APOB: variants seen among roughly 807,000 people sequenced by gnomAD.
The protein encoded by APOB is apolipoprotein B-100.
In APOB, 153 loss-of-function variants were observed where a neutral mutation model predicts 314.1. That is an observed-to-expected ratio of 0.49 (90% CI 0.43 to 0.56). The LOEUF (loss-of-function observed/expected upper bound fraction) is 0.56. Among genes scored for constraint, APOB ranks in the 20% least tolerant of loss-of-function variants. The probability of loss-of-function intolerance (pLI) is 0.00; values close to 1 mark genes in which losing one functional copy is unlikely to be tolerated. For missense variants in APOB, 5,430 were observed against 5,350.7 expected (o/e 1.01, Z -0.46); for synonymous variants, 2,087 against 2,036.4 (o/e 1.02, Z -0.67).
Position 21,011,761 on chromosome 2 carries a change from C to T in APOB, c.5107G>A (p.Ala1703Thr). Residue 1703 changes from alanine to threonine, a missense_variant, in exon 26 of 29, where the codon GCC (alanine) becomes ACC (threonine). Around this residue, in one of 3 missense-constraint regions of APOB, gnomAD observed 2,085 missense variants for 2,079.7 expected, o/e 1.00. Transcript: ENST00000233242. ...HNAKFSLDGK[A>T]ALTELSLGSA... ...CCCAGTGATAGCTCTGTGAGGGCGG[C>T]TTTCCCATCCAGACTGAATTTTGCA... 6.2e-7 allele frequency: 1 copy of T among 1,614,132 alleles called. No homozygotes were observed. Among genetic ancestry groups the T allele is most frequent in the Non-Finnish European group, 8.5e-7 (1 of 1,180,024 alleles).
At position 21,003,178 on chromosome 2, in the gene APOB, A is replaced by G. The variant is rs1199748373; in HGVS notation, c.12244T>C (p.Tyr4082His). Residue 4082 changes from tyrosine (Y) to histidine (H), a missense_variant, in exon 29 of 29, where the codon TAT becomes CAT. This residue lies in a region of APOB where 3,281 missense variants were observed against 3,171.0 expected (regional missense o/e 1.03). Coordinates refer to ENST00000233242, the MANE Select transcript of APOB (RefSeq NM_000384.3). ...CAGTGGTACTTGTTGACATAATCAT[A>G]AAGGACCCCTGTGGCCTTGGGCACG... is the stretch of plus-strand genomic sequence containing the variant. ...DNVPKATGVL[Y>H]DYVNKYHWEH... 1 of 1,613,902 alleles carries G rather than the reference A, an allele frequency of 6.2e-7. No homozygotes were observed. The highest frequency in any genetic ancestry group is 1.3e-5 in the African/African-American group (1 of 74,898).
chr2:21,003,773 A>G (rs576613271), intron 28 of APOB, among the ~76,000 whole-genome samples: 6 of 152,318 alleles, frequency 3.9e-5, no homozygotes, highest in East Asian at 1.9e-4. Context: ...CTCCAAGCCC[A>G]TGACAAACTT....
At position 21,029,688 on chromosome 2, in the gene APOB, A is replaced by G. The variant is rs781234577; in HGVS notation, c.1568T>C (p.Ile523Thr). 3.5e-5 allele frequency: 57 copies of G among 1,614,020 alleles called. No homozygotes were observed. Among genetic ancestry groups the G allele is most frequent in the Non-Finnish European group, 4.6e-5 (54 of 1,180,036 alleles). Residue 523 changes from isoleucine to threonine, a missense_variant, in exon 12 of 29, where the codon ATC (isoleucine) becomes ACC (threonine). Coordinates refer to ENST00000233242, the MANE Select transcript of APOB (RefSeq NM_000384.3). ...CAGAGCCTGGATGGCAGCTTTCTGG[A>G]TCATCAGTGATGGCTTTGTACTTTG... ...CVQSTKPSLM[I>T]QKAAIQALRK...
In APOB at chr2:21,010,154, A is replaced by C; in HGVS notation, c.6714T>G (p.Phe2238Leu). 6.2e-7 allele frequency: 1 copy of C among 1,603,776 alleles called. No homozygotes were observed. Among genetic ancestry groups the C allele is most frequent in the Non-Finnish European group, 8.5e-7 (1 of 1,172,756 alleles). ...ATGCAGTACTACTTCCACTTTTGTT[A>C]AAATCAATATTTTCAATAAACAAAT... is the stretch of plus-strand genomic sequence containing the variant. Reference protein sequence around the residue: ...DLHLFIENIDFNKSGSSTASW... With the variant: ...DLHLFIENIDLNKSGSSTASW... Residue 2238 changes from phenylalanine to leucine, a missense_variant, in exon 26 of 29, where the codon TTT becomes TTG. Around this residue, in one of 3 missense-constraint regions of APOB, gnomAD observed 3,281 missense variants for 3,171.0 expected, o/e 1.03. Coordinates refer to ENST00000233242, the MANE Select transcript of APOB (RefSeq NM_000384.3).
rs745475077 is a variant in APOB, at chr2:21,011,416, G to T, written c.5452C>A (p.Pro1818Thr). The part of the protein sequence containing the change: ...LTNNGKLRLE[P>T]LKLHVAGNLK... ...TTACCAGCCACATGCAGCTTCAGGG[G>T]TTCTAGCCGTAGTTTCCCATTGTTG... is the stretch of plus-strand genomic sequence containing the variant. Residue 1818 changes from proline (P) to threonine (T), a missense_variant, in exon 26 of 29, where the codon CCC (proline) becomes ACC (threonine). Physicochemically the swap from Pro to Thr is conservative, Grantham distance 38. Around this residue, in one of 3 missense-constraint regions of APOB, gnomAD observed 64 missense variants for 99.9 expected, o/e 0.64. Coordinates refer to ENST00000233242, the MANE Select transcript of APOB (RefSeq NM_000384.3). 1 of 1,614,006 alleles carries T rather than the reference G, an allele frequency of 6.2e-7. No homozygotes were observed. The highest frequency in any genetic ancestry group is 8.5e-7 in the Non-Finnish European group (1 of 1,180,012).
chr2:21,021,550 C>T (rs953105620), intron 18 of APOB, among the ~76,000 whole-genome samples: 1 of 152,192 alleles, frequency 6.6e-6, no homozygotes, highest in Non-Finnish European at 1.5e-5. Context: ...ATGGCTTTCG[C>T]AGCTGGGCAT....
Position 21,013,366 on chromosome 2 carries a change from A to T in APOB, c.4010T>A (p.Val1337Asp), listed in dbSNP as rs748483943. Residue 1337 changes from valine (V) to aspartate (D), a missense_variant, in exon 25 of 29, where the codon GTC (valine) becomes GAC (aspartate). This residue lies in a region of APOB where 2,085 missense variants were observed against 2,079.7 expected (regional missense o/e 1.00). Coordinates refer to ENST00000233242, the MANE Select transcript of APOB (RefSeq NM_000384.3). ...GFHLPSREFQ[V>D]PTFTIPKLYQ... ...CAACTTGGGAATGGTAAAAGTAGGGACTTGGAACTCTCGAGATGGCAGATG... is the reference window on the plus strand; with the variant it reads ...CAACTTGGGAATGGTAAAAGTAGGGTCTTGGAACTCTCGAGATGGCAGATG... The T allele has an allele frequency of 6.2e-6, 10 of 1,614,076 alleles. No homozygotes were observed. Among genetic ancestry groups the T allele is most frequent in the South Asian group, 2.2e-5 (2 of 91,084 alleles).
chr2:21,023,456 G>T, intron 17 of APOB, 69 bp downstream of exon 17: 2 of 1,550,840 alleles, frequency 1.3e-6, no homozygotes, highest in Non-Finnish European at 1.8e-6. Context: ...TTTTAAATAT[G>T]TTTTAACAAG....
chr2:21,038,198 C>T, intron 4 of APOB, 87 bp from the exon 5 acceptor site: 1 of 1,452,312 alleles, frequency 6.9e-7, no homozygotes, highest in Non-Finnish European at 9.6e-7. Context: ...AGTTTCTTTT[C>T]TCATATTTTT....
At position 21,012,199 on chromosome 2, in the gene APOB, T is replaced by G. The variant is rs1274802834; in HGVS notation, c.4669A>C (p.Asn1557His). ...TTCTCATACTTTAGGGAAGCAGTAT[T>G]TTTAATGATGCCACTTTGCAGATCA... ...TSDLQSGIIK[N>H]TASLKYENYE... The change falls in exon 26 of 29, where the codon AAT becomes CAT. Residue 1557 changes from asparagine to histidine, a missense_variant. By Grantham distance (68) the Asn-to-His change is moderately conservative. This residue lies in a region of APOB where 2,085 missense variants were observed against 2,079.7 expected (regional missense o/e 1.00). Coordinates refer to ENST00000233242, the MANE Select transcript of APOB (RefSeq NM_000384.3). 1.2e-6 allele frequency: 2 copies of G among 1,603,024 alleles called. No individual in the cohort carries two copies. Among genetic ancestry groups the G allele is most frequent in the Admixed American group, 3.4e-5 (2 of 59,030 alleles).
At position 21,015,446 on chromosome 2, in the gene APOB, G is replaced by T. The variant is rs750132037; in HGVS notation, c.3432C>A (p.Ala1144=). The change falls in exon 22 of 29, where the codon GCC becomes GCA. Residue 1144 remains alanine, a synonymous_variant. Coordinates refer to ENST00000233242, the MANE Select transcript of APOB (RefSeq NM_000384.3). ...ATGAGTCCATTTGGAGAAGCAGTTTGGCAGGCGACCAGTGGGCGAGGATCT... is the reference window on the plus strand; with the variant it reads ...ATGAGTCCATTTGGAGAAGCAGTTTTGCAGGCGACCAGTGGGCGAGGATCT... The part of the protein sequence containing the change: ...RSEILAHWSP[A]KLLLQMDSSA... The T allele has an allele frequency of 1.9e-6, 3 of 1,614,162 alleles. No individual in the cohort carries two copies. Among genetic ancestry groups the T allele is most frequent in the Non-Finnish European group, 2.5e-6 (3 of 1,180,044 alleles).
Position 21,011,069 on chromosome 2 carries a change from C to T in APOB, c.5799G>A (p.Leu1933=), listed in dbSNP as rs1485887029. 1 of 1,614,056 alleles carries T rather than the reference C, an allele frequency of 6.2e-7. No individual in the cohort carries two copies. Among genetic ancestry groups the T allele is most frequent in the Non-Finnish European group, 8.5e-7 (1 of 1,180,034 alleles). ...AAGTAAATGCCAGAGGTTCTGCTTT[C>T]AACAGGAATTTGCTATACAGCTGCC... ...HTGQLYSKFL[L]KAEPLAFTFS... The change falls in exon 26 of 29, where the codon TTG becomes TTA. Residue 1933 remains leucine (L), a synonymous_variant. Transcript: ENST00000233242.
intron 5 of APOB, 150 bp downstream of exon 5, chr2:21,037,808 C>T (rs1294905375): frequency 4.2e-6 from 4 of 959,176 alleles, no homozygotes; most frequent in Admixed American, 3.7e-5. Flanking sequence ...GGAGGAACCT[C>T]GGGCACCAGT....
chr2:21,007,019 G>A lies in APOB; in HGVS notation c.9849C>T (p.Phe3283=), dbSNP rs760902221. The A allele has an allele frequency of 1.9e-6, 3 of 1,613,998 alleles. No individual in the cohort carries two copies. In the South Asian group the frequency reaches 3.3e-5, roughly 18 times the overall value. The change falls in exon 26 of 29, where the codon TTC becomes TTT. Residue 3283 remains phenylalanine, a synonymous_variant. Transcript: ENST00000233242. The stretch of plus-strand genomic sequence containing the variant: ...CACGGACGTCAGAACCTAGGATGGA[G>A]AAACTAGGCATGCTGACTGCTTTTG... ...VFPKAVSMPS[F]SILGSDVRVP... is the part of the protein sequence containing the mutation.
intron 16 of APOB, 67 bp downstream of exon 16, chr2:21,024,866 G>T: frequency 6.5e-7 from 1 of 1,539,470 alleles, no homozygotes; most frequent in Non-Finnish European, 9.0e-7. Context: ...TCGTAAGGGA[G>T]TCTGGGCGAT....
Position 21,001,624 on chromosome 2 carries a change from G to T in APOB, c.*106C>A, listed in dbSNP as rs1194403225. On this transcript the variant is annotated 3_prime_UTR_variant, in exon 29 of 29. Transcript: ENST00000233242. ...CTTATAGTCTACTGCCTACTGCAAG[G>T]CTGGCTCACTGTATGGTTTTATCAA... 7.1e-6 allele frequency: 8 copies of T among 1,127,542 alleles called. No individual in the cohort carries two copies. The highest frequency in any genetic ancestry group is 1.9e-5 in the Admixed American group (1 of 52,056). The allele number at this position is 1,127,542 out of a possible 1,614,324, so 69.8% of individuals were successfully genotyped here.
rs752443893 is a variant in APOB at position 21,019,715 on chromosome 2, T to A, written c.2999+8A>T. The A allele has an allele frequency of 6.2e-7, 1 of 1,613,930 alleles. No individual in the cohort carries two copies. The highest frequency in any genetic ancestry group is 8.5e-7 in the Non-Finnish European group (1 of 1,179,912). On this transcript the variant is annotated splice_region_variant and intron_variant, in intron 19 of 28. Coordinates refer to ENST00000233242, the MANE Select transcript of APOB (RefSeq NM_000384.3). The stretch of plus-strand genomic sequence containing the variant: ...AAAATGCTGGGTCAGGCACTGAGCA[T>A]CTCTAACCTGGTGTCCCCGGTCAGC...
At chr2:21,019,141 A>C (rs1663540458) in intron 19 of APOB, 28 bp from the exon 20 acceptor site, 1 of 1,613,808 alleles carries the variant, frequency 6.2e-7, no homozygotes, top group Non-Finnish European at 8.5e-7. Flanking sequence ...AAGACAGTGC[A>C]TAATGTTAGA....
Position 21,005,201 on chromosome 2 carries a change from T to C in APOB, c.11667A>G (p.Val3889=). Residue 3889 remains valine, a synonymous_variant, in exon 26 of 29, where the codon GTA becomes GTG. Transcript: ENST00000233242. ...SFQALTARFE[V]DSPVYNATWS... ...AAGTGGCATTATACACGGGAGAGTC[T>C]ACCTCAAAGCGTGCAGTCAGTGCTT... 6.2e-7 allele frequency: 1 copy of C among 1,614,092 alleles called. No individual in the cohort carries two copies. The highest frequency in any genetic ancestry group is 8.5e-7 in the Non-Finnish European group (1 of 1,179,950).
Sources: gnomAD v4.1 joint callset for allele counts (sites outside exome capture counted in the v4.1 genomes callset) on GRCh38, gnomAD v4.1.1 for gene constraint, gnomAD v4.1.1 regional missense constraint, MANE v1.5 for transcripts, NCBI Gene and HGNC (gene_info 2026-07-23, HGNC 2026-07-21) for gene names.